The following TULP4 variants were observed in gnomAD, a reference collection of about 807,000 sequenced individuals.
TULP4 encodes tubby-related protein 4.
Under a neutral mutation model 129.0 loss-of-function variants are expected in TULP4, and 16 were observed. That is an observed-to-expected ratio of 0.12 (90% CI 0.08 to 0.19). TULP4 has a LOEUF of 0.19. Ranked by LOEUF, TULP4 falls within the 10% of genes least tolerant of loss-of-function variation. The pLI, the probability that TULP4 is intolerant of heterozygous loss-of-function variation, is 1.00. For synonymous variants in TULP4, 998 were observed against 854.0 expected, an observed-to-expected ratio of 1.17 and a Z score of -2.94; for missense variants, 1,842 against 2,059.1, an observed-to-expected ratio of 0.89 and a Z score of 2.04.
chr6:158,473,170 C>T (rs1268017933), intron 6 of TULP4, among the ~76,000 whole-genome samples: 1 of 152,150 alleles, frequency 6.6e-6, no homozygotes, highest in Non-Finnish European at 1.5e-5. Context: ...TAAGAGATTG[C>T]ATGTGTGATT....
intron 2 of TULP4, among the ~76,000 whole-genome samples, 175 bp from the exon 3 acceptor site, chr6:158,429,561 T>C (rs903865209): frequency 1.3e-5 from 2 of 152,266 alleles, no homozygotes; most frequent in African/African-American, 4.8e-5. Flanking sequence ...TTTACAGGCA[T>C]GAGGCACTGT....
intron 1 of TULP4, chr6:158,238,171 A>G (rs1360265487): frequency 1.3e-6 from 1 of 776,686 alleles, no homozygotes; most frequent in Non-Finnish European, 2.4e-6. Context: ...GCTAAGAAAT[A>G]TTCTCTTGAG....
At chr6:158,397,721 G>C (rs1359217545) in intron 1 of TULP4, among the ~76,000 whole-genome samples, 2 of 152,200 alleles carry the variant, frequency 1.3e-5, no homozygotes, top group African/African-American at 2.4e-5. Context: ...GTAGAACAGA[G>C]CCTCAGCCGG....
chr6:158,255,161 T>A (rs1583679772), intron 1 of TULP4, among the ~76,000 whole-genome samples: 1 of 152,132 alleles, frequency 6.6e-6, no homozygotes, highest in East Asian at 1.9e-4. Flanking sequence ...TCTGCATGGA[T>A]CCTGTCATGT....
At chr6:158,268,905 C>T (rs1198414494) in intron 1 of TULP4, among the ~76,000 whole-genome samples, 1 of 152,072 alleles carries the variant, frequency 6.6e-6, no homozygotes, top group Non-Finnish European at 1.5e-5. Context: ...CTTAATCCTC[C>T]CTTTAGCCTT....
chr6:158,375,545 G>A (rs1777164341), intron 1 of TULP4, among the ~76,000 whole-genome samples: 1 of 152,120 alleles, frequency 6.6e-6, no homozygotes, highest in African/African-American at 2.4e-5. Context: ...CTCTGGGGAT[G>A]GAAGAAGTTA....
At chr6:158,286,793 G>GAA (rs1344774693) in intron 1 of TULP4, among the ~76,000 whole-genome samples, 1 of 152,162 alleles carries the variant, frequency 6.6e-6, no homozygotes, top group East Asian at 1.9e-4. Context: ...AGCTTTTTAA[G>GAA]AACCCCAAAT....
At chr6:158,240,421 G>A (rs1367323743) in intron 1 of TULP4, among the ~76,000 whole-genome samples, 9 of 74,716 alleles carry the variant, frequency 1.2e-4, no homozygotes, top group African/African-American at 3.6e-4. Flanking sequence ...AGGGGCGGCC[G>A]GGCAGAGGCG....
chr6:158,266,846 C>T (rs560061665), intron 1 of TULP4, among the ~76,000 whole-genome samples: 32 of 152,166 alleles, frequency 2.1e-4, no homozygotes, highest in African/African-American at 7.5e-4. Context: ...TGAGGGACAA[C>T]GGTATAATTC....
rs117859807 is a variant in TULP4, at chr6:158,413,428, A to G, written c.381+235A>G. 4.2e-3 allele frequency among the ~76,000 whole-genome samples: 635 copies of G among 152,250 alleles called. 2 individuals are homozygous for G. The highest frequency in any genetic ancestry group is 4.9e-3 in the Non-Finnish European group (332 of 68,006). On this transcript the variant is annotated intron_variant, in intron 2 of 13. Coordinates refer to ENST00000367097, the MANE Select transcript of TULP4 (RefSeq NM_020245.5). This position sits in a 1 kb window ranked among gnomAD's most constrained non-coding sequence, Gnocchi z 4.9. ...ATGCTGCTGTTGTGAGAACTCTCCA[A>G]CTTTCAAACTTTAATCAGATCTGTG...
chr6:158,388,710 T>C (rs1583825181), intron 1 of TULP4, among the ~76,000 whole-genome samples: 2 of 151,876 alleles, frequency 1.3e-5, no homozygotes, highest in South Asian at 2.1e-4. Flanking sequence ...AGTTATATTA[T>C]TGTTTAACAA....
At chr6:158,436,563 G>C (rs1778758706) in intron 3 of TULP4, among the ~76,000 whole-genome samples, 1 of 152,236 alleles carries the variant, frequency 6.6e-6, no homozygotes, top group East Asian at 1.9e-4. Context: ...TTAGAAGGCA[G>C]TTGTTTTTGA....
intron 4 of TULP4, among the ~76,000 whole-genome samples, chr6:158,450,621 G>A (rs1779143504): frequency 1.3e-5 from 2 of 152,084 alleles, no homozygotes. Flanking sequence ...CCAGCCTTGA[G>A]AGAAGTGTTG....
upstream of TULP4, among the ~76,000 whole-genome samples, chr6:158,281,690 A>G (rs531505959): frequency 3.8e-4 from 58 of 152,286 alleles, 1 homozygote; most frequent in South Asian, 0.011. Flanking sequence ...TGTTCATAGC[A>G]TGTTTTGGAC....
chr6:158,291,858 G>A (rs1241474708), intron 1 of TULP4, among the ~76,000 whole-genome samples: 1 of 152,098 alleles, frequency 6.6e-6, no homozygotes, highest in African/African-American at 2.4e-5. Flanking sequence ...ATTTCTAAAA[G>A]ATTTGGTTCT....
intron 1 of TULP4, among the ~76,000 whole-genome samples, chr6:158,341,218 T>C (rs1780173156): frequency 1.3e-5 from 2 of 152,172 alleles, no homozygotes; most frequent in African/African-American, 2.4e-5. Context: ...CTTATTTCAT[T>C]TAACATAATG....
chr6:158,364,253 A>G (rs182995132), intron 1 of TULP4, among the ~76,000 whole-genome samples: 4 of 152,374 alleles, frequency 2.6e-5, no homozygotes, highest in Non-Finnish European at 5.9e-5. Context: ...TGTGAAAATG[A>G]AGATGAAGAT....
chr6:158,345,417 T>G (rs1392232550), intron 1 of TULP4, among the ~76,000 whole-genome samples: 2 of 152,224 alleles, frequency 1.3e-5, no homozygotes. Context: ...CCCCAATATT[T>G]CAGTGTAGGT....
At chr6:158,491,219 G>T (rs1409597211) in intron 9 of TULP4, among the ~76,000 whole-genome samples, 1 of 152,078 alleles carries the variant, frequency 6.6e-6, no homozygotes, top group Non-Finnish European at 1.5e-5. Context: ...ATTCTACCTT[G>T]TTCTGATAGG....
Sources: allele counts gnomAD v4.1 joint callset (sites outside exome capture counted in the v4.1 genomes callset), GRCh38; gene constraint gnomAD v4.1.1; non-coding constraint Gnocchi (gnomAD v3.1); transcripts MANE v1.5; gene names NCBI Gene and HGNC (gene_info 2026-07-23, HGNC 2026-07-21).